CDH13: variants seen among roughly 807,000 people sequenced by gnomAD.
CDH13 encodes cadherin-13.
CDH13 carries 24 observed loss-of-function variants against 63.8 expected under a neutral mutation model. The ratio of observed to expected loss-of-function variants is 0.38; its 90% CI spans 0.27 to 0.53. CDH13 has a LOEUF of 0.53. Among genes scored for constraint, CDH13 ranks in the 20% least tolerant of loss-of-function variants. The pLI is 0.85. For missense variants in CDH13, 1,049 were observed against 903.1 expected (o/e 1.16, Z -2.07); for synonymous variants, 503 against 355.3 (o/e 1.42, Z -4.67).
intron 5 of CDH13, among the ~76,000 whole-genome samples, chr16:83,322,084 C>G (rs2090241181): frequency 6.6e-6 from 1 of 152,152 alleles, no homozygotes; most frequent in Non-Finnish European, 1.5e-5. Context: ...AAATAACTAG[C>G]TTAAGGAAAA....
At chr16:83,418,090 C>T (rs1235579581) in intron 6 of CDH13, among the ~76,000 whole-genome samples, 2 of 152,166 alleles carry the variant, frequency 1.3e-5, no homozygotes, top group African/African-American at 4.8e-5. Flanking sequence ...AAAATGGGCT[C>T]TTTGGAAAAT....
At chr16:82,674,546 C>T (rs1045193954) in intron 1 of CDH13, among the ~76,000 whole-genome samples, 1 of 152,146 alleles carries the variant, frequency 6.6e-6, no homozygotes, top group South Asian at 2.1e-4. Context: ...TGTCTTCATC[C>T]TTGTATTCTT....
At chr16:82,848,919 A>T (rs1050382128) in intron 1 of CDH13, among the ~76,000 whole-genome samples, 1 of 152,230 alleles carries the variant, frequency 6.6e-6, no homozygotes, top group Non-Finnish European at 1.5e-5. Flanking sequence ...AAAGTTGTGA[A>T]TGCAAAGGAA....
chr16:83,436,774 A>G (rs2072318807), intron 6 of CDH13, among the ~76,000 whole-genome samples: 1 of 152,228 alleles, frequency 6.6e-6, no homozygotes, highest in African/African-American at 2.4e-5. Context: ...GACCTTGCAG[A>G]GGTTTTCAAG....
intron 6 of CDH13, among the ~76,000 whole-genome samples, chr16:83,484,331 G>C (rs1447160531): frequency 6.6e-6 from 1 of 152,200 alleles, no homozygotes; most frequent in Non-Finnish European, 1.5e-5. Context: ...TTGTTGAATA[G>C]ACATCTGCGG....
chr16:83,047,352 C>G lies in CDH13; in HGVS notation c.366+15134C>G, dbSNP rs983472103. Among the ~76,000 whole-genome samples the G allele has an allele frequency of 6.6e-6, 1 of 152,160 alleles. No homozygotes were observed. On this transcript the variant is annotated intron_variant, in intron 3 of 13. Coordinates refer to ENST00000567109, the MANE Select transcript of CDH13 (RefSeq NM_001257.5). This position sits in a 1 kb window ranked among gnomAD's most constrained non-coding sequence, Gnocchi z 4.9. ...CCATTCTCGTAAACCGTGGTTAACA[C>G]AGATAATTGAGACTTGAGTGCTTTT...
At chr16:83,001,136 T>A (rs1482228832) in intron 2 of CDH13, among the ~76,000 whole-genome samples, 1 of 152,216 alleles carries the variant, frequency 6.6e-6, no homozygotes, top group Non-Finnish European at 1.5e-5. Flanking sequence ...AGATCGTAAG[T>A]CCCTTGAAGA....
At chr16:83,580,684 A>T (rs778691060) in intron 7 of CDH13, among the ~76,000 whole-genome samples, 2 of 152,050 alleles carry the variant, frequency 1.3e-5, no homozygotes, top group African/African-American at 4.8e-5. Flanking sequence ...CTTTGTAGAG[A>T]CAGGGTTTTG....
intron 11 of CDH13, among the ~76,000 whole-genome samples, chr16:83,750,474 G>A (rs1912989659): frequency 6.6e-6 from 1 of 152,100 alleles, no homozygotes; most frequent in South Asian, 2.1e-4. Flanking sequence ...CAATGTTGAC[G>A]TATTGGAGTC....
chr16:83,766,344 G>A (rs922863438), intron 11 of CDH13, among the ~76,000 whole-genome samples: 10 of 152,152 alleles, frequency 6.6e-5, no homozygotes, highest in African/African-American at 2.2e-4. Context: ...CAAATTATAG[G>A]TTGGCACAAA....
chr16:83,733,680 G>A (rs1911261978), intron 10 of CDH13, among the ~76,000 whole-genome samples: 1 of 152,210 alleles, frequency 6.6e-6, no homozygotes, highest in Admixed American at 6.5e-5. Context: ...AAAGGCCATG[G>A]TGTGTCGGTT....
intron 2 of CDH13, among the ~76,000 whole-genome samples, chr16:83,009,218 A>G (rs1004956750): frequency 6.6e-6 from 1 of 152,196 alleles, no homozygotes; most frequent in Non-Finnish European, 1.5e-5. Context: ...GGGTCTTTTG[A>G]TATTAGCATC....
At chr16:82,950,850 A>G (rs1000311120) in intron 2 of CDH13, among the ~76,000 whole-genome samples, 5 of 148,978 alleles carry the variant, frequency 3.4e-5, no homozygotes, top group African/African-American at 1.2e-4. Flanking sequence ...AGGACAGTGA[A>G]ACCCACAGCA....
At chr16:83,286,359 C>T (rs1055586615) in intron 5 of CDH13, among the ~76,000 whole-genome samples, 1 of 152,226 alleles carries the variant, frequency 6.6e-6, no homozygotes, top group Non-Finnish European at 1.5e-5. Flanking sequence ...CTCAGGGCAT[C>T]TGCTAGCCCC....
At chr16:82,928,679 G>C (rs1413335391) in intron 2 of CDH13, among the ~76,000 whole-genome samples, 1 of 152,160 alleles carries the variant, frequency 6.6e-6, no homozygotes, top group Non-Finnish European at 1.5e-5. Context: ...AACTCCCCAA[G>C]TTTCAGTAAT....
chr16:82,957,274 C>G (rs552397528), intron 2 of CDH13, among the ~76,000 whole-genome samples: 1 of 152,264 alleles, frequency 6.6e-6, no homozygotes, highest in East Asian at 1.9e-4. Context: ...AGCTATTGGT[C>G]TTTCTTTGGG....
At chr16:83,530,418 G>A (rs1183125427) in intron 7 of CDH13, among the ~76,000 whole-genome samples, 7 of 152,234 alleles carry the variant, frequency 4.6e-5, no homozygotes, top group East Asian at 1.9e-4. Flanking sequence ...AAGTTGCTTC[G>A]TAGTCACGGA....
chr16:82,647,875 T>C (rs959227818), intron 1 of CDH13, among the ~76,000 whole-genome samples: 4 of 152,198 alleles, frequency 2.6e-5, no homozygotes, highest in Non-Finnish European at 5.9e-5. Context: ...TCTTGAATTA[T>C]AGCTCCCATA....
At chr16:83,763,727 GACCCA>G (rs371386079) in intron 11 of CDH13, among the ~76,000 whole-genome samples, 1,977 of 152,218 alleles carry the variant, frequency 0.013, 18 homozygotes, top group Non-Finnish European at 0.019. Flanking sequence ...ATAAATTGAT[GACCCA>G]GCCATCATTC....
Sources: gnomAD v4.1 joint callset for allele counts (sites outside exome capture counted in the v4.1 genomes callset) on GRCh38, gnomAD v4.1.1 for gene constraint, Gnocchi (gnomAD v3.1) non-coding constraint, MANE v1.5 for transcripts, NCBI Gene and HGNC (gene_info 2026-07-23, HGNC 2026-07-21) for gene names.